The following GPC6 variants were observed in gnomAD, a reference collection of about 807,000 sequenced individuals.
GPC6 encodes glypican 6, also known as glypican-6.
Under a neutral mutation model 55.2 loss-of-function variants are expected in GPC6, and 14 were observed. That is an observed-to-expected ratio of 0.25 (90% CI 0.17 to 0.40). GPC6 has a LOEUF of 0.40. Among genes scored for constraint, GPC6 ranks in the 10% least tolerant of loss-of-function variants. The pLI is 1.00. For missense variants in GPC6, 641 were observed against 708.5 expected, an observed-to-expected ratio of 0.90 and a Z score of 1.08; for synonymous variants, 278 against 259.6, an observed-to-expected ratio of 1.07 and a Z score of -0.68.
intron 4 of GPC6, among the ~76,000 whole-genome samples, chr13:94,185,258 GAAAAAAA>G (rs759584811): frequency 1.8e-5 from 1 of 56,500 alleles, no homozygotes; most frequent in Non-Finnish European, 3.7e-5. Context: ...AATAAAAGTT[GAAAAAAA>G]AAAAAAAAAA....
intron 3 of GPC6, among the ~76,000 whole-genome samples, chr13:93,925,667 T>G (rs1464940689): frequency 1.3e-5 from 2 of 152,178 alleles, no homozygotes; most frequent in Non-Finnish European, 2.9e-5. Flanking sequence ...ACAACCATAT[T>G]ATTACGCTCG....
At chr13:93,789,602 T>TATATATATATATATATAATACTAC (rs1885944915) in intron 2 of GPC6, among the ~76,000 whole-genome samples, 19 of 15,374 alleles carry the variant, frequency 1.2e-3, no homozygotes, top group South Asian at 2.9e-3. Context: ...ATACTACATA[T>TATATATATATATATATAATACTAC]ATATATATAT....
chr13:93,376,595 C>T (rs1231791113), intron 1 of GPC6, among the ~76,000 whole-genome samples: 1 of 152,118 alleles, frequency 6.6e-6, no homozygotes, highest in East Asian at 1.9e-4. Context: ...ACAGACAAGG[C>T]TTGAAAGAAC....
At chr13:94,266,213 G>C (rs541506293) in intron 4 of GPC6, among the ~76,000 whole-genome samples, 1 of 150,580 alleles carries the variant, frequency 6.6e-6, no homozygotes, top group East Asian at 2.0e-4. Context: ...CTGTTGCCCA[G>C]GCTGGAGTGC....
At chr13:93,409,187 A>T (rs889973600) in intron 1 of GPC6, among the ~76,000 whole-genome samples, 4 of 151,480 alleles carry the variant, frequency 2.6e-5, no homozygotes, top group Non-Finnish European at 5.9e-5. Flanking sequence ...AGTGTAATCT[A>T]GTTGCCATTT....
chr13:94,091,541 A>G (rs1885479460), intron 4 of GPC6, among the ~76,000 whole-genome samples: 1 of 152,178 alleles, frequency 6.6e-6, no homozygotes, highest in South Asian at 2.1e-4. Flanking sequence ...ATATCTGTGG[A>G]GTTCTGCAAG....
intron 3 of GPC6, among the ~76,000 whole-genome samples, chr13:93,885,859 A>C (rs1319841823): frequency 3.9e-5 from 6 of 152,256 alleles, no homozygotes; most frequent in East Asian, 1.9e-4. Flanking sequence ...CCAAACCAAA[A>C]CAAAACAAAA....
chr13:94,196,186 T>G (rs1179738306), intron 4 of GPC6, among the ~76,000 whole-genome samples: 2 of 128,986 alleles, frequency 1.6e-5, no homozygotes, highest in South Asian at 2.3e-4. Flanking sequence ...ACCTTTTCAG[T>G]TTTTTTTTTT....
At position 94,053,025 on chromosome 13, in the gene GPC6, C is replaced by T. The variant is rs151093614; in HGVS notation, c.877+25131C>T. ...CCTCCCGTTTTCTCAAGCTCAGCTTCTACCAAATATGCATGTCAGAAAGGG... is the reference window on the plus strand; with the variant it reads ...CCTCCCGTTTTCTCAAGCTCAGCTTTTACCAAATATGCATGTCAGAAAGGG... On this transcript the variant is annotated intron_variant, in intron 4 of 8. Transcript: ENST00000377047. Among the ~76,000 whole-genome samples, 889 of 152,258 alleles carry T rather than the reference C, an allele frequency of 5.8e-3. 29 individuals are homozygous for T. Among genetic ancestry groups the T allele is most frequent in the Admixed American group, 0.048 (735 of 15,274 alleles).
chr13:93,726,100 TCATA>T (rs1266046774), intron 2 of GPC6, among the ~76,000 whole-genome samples: 39 of 93,724 alleles, frequency 4.2e-4, no homozygotes, highest in African/African-American at 1.4e-3. Context: ...ACTTTTTCCT[TCATA>T]CACACACACA....
Position 94,054,909 on chromosome 13 carries a change from C to T in GPC6, c.877+27015C>T, listed in dbSNP as rs202133952. On this transcript the variant is annotated intron_variant, in intron 4 of 8. Coordinates refer to ENST00000377047, the MANE Select transcript of GPC6 (RefSeq NM_005708.5). ...TGTGGACTGATCTGAGTCTCAAACC[C>T]GAATTAATCTTATTCTCTGCACACC... Among the ~76,000 whole-genome samples, 20 of 152,148 alleles carry T rather than the reference C, an allele frequency of 1.3e-4. No individual in the cohort carries two copies. In the East Asian group the frequency reaches 3.5e-3, roughly 26 times the overall value.
At chr13:93,548,961 C>T (rs181501003) in intron 2 of GPC6, among the ~76,000 whole-genome samples, 39 of 152,182 alleles carry the variant, frequency 2.6e-4, no homozygotes, top group Admixed American at 1.8e-3. Flanking sequence ...TGTTGTTTTG[C>T]TTTTTTTCTT....
At chr13:94,306,445 A>G (rs1474993481) in intron 6 of GPC6, among the ~76,000 whole-genome samples, 10 of 152,206 alleles carry the variant, frequency 6.6e-5, no homozygotes, top group Admixed American at 3.3e-4. Context: ...GCAATAGCAC[A>G]TTTCTTACTC....
chr13:93,258,791 TA>T (rs1025787839), intron 1 of GPC6, among the ~76,000 whole-genome samples: 4 of 150,750 alleles, frequency 2.7e-5, no homozygotes, highest in Admixed American at 2.6e-4. Context: ...AAATAAAAAA[TA>T]AAAAAAAATT....
At chr13:93,565,955 AAAC>A (rs1876088141) in intron 2 of GPC6, among the ~76,000 whole-genome samples, 1 of 152,014 alleles carries the variant, frequency 6.6e-6, no homozygotes, top group Non-Finnish European at 1.5e-5. Context: ...AAGAAAAAAA[AAAC>A]ACATCTGGTC....
intron 3 of GPC6, among the ~76,000 whole-genome samples, chr13:93,896,567 G>A (rs1262486085): frequency 6.6e-6 from 1 of 152,052 alleles, no homozygotes; most frequent in Admixed American, 6.6e-5. Flanking sequence ...AGCAGAAAAT[G>A]TAGTTTAATA....
At chr13:94,200,155 T>TAAAA (rs10708157) in intron 4 of GPC6, among the ~76,000 whole-genome samples, 1 of 137,166 alleles carries the variant, frequency 7.3e-6, no homozygotes. Context: ...AAACTCTGTC[T>TAAAA]AAAAAAAAAA....
rs78784060 is a variant in GPC6 at position 93,583,106 on chromosome 13, A to G, written c.319+37685A>G. 2.3e-3 allele frequency among the ~76,000 whole-genome samples: 353 copies of G among 152,344 alleles called. 2 individuals are homozygous for G. The highest frequency in any genetic ancestry group is 8.3e-3 in the African/African-American group (347 of 41,580). On this transcript the variant is annotated intron_variant, in intron 2 of 8. Transcript: ENST00000377047. ...TAGCTAAATGAGATGGCTGAATCTT[A>G]AGAAACTGATAGGAGTGTCCCACTG... is the stretch of plus-strand genomic sequence containing the variant.
In GPC6 at chr13:93,368,173, G is replaced by A. The variant is rs1279791610; in HGVS notation, c.160+140557G>A. Among the ~76,000 whole-genome samples the A allele has an allele frequency of 2.0e-5, 3 of 151,936 alleles. No homozygotes were observed. In the East Asian group the frequency reaches 5.8e-4, roughly 29 times the overall value. ...GCTAGTTCTTTTATCATTATGCAATGTTCTTCTCTATGTTCAATAATTGTC... is the reference window on the plus strand; with the variant it reads ...GCTAGTTCTTTTATCATTATGCAATATTCTTCTCTATGTTCAATAATTGTC... On this transcript the variant is annotated intron_variant, in intron 1 of 8. Coordinates refer to ENST00000377047, the MANE Select transcript of GPC6 (RefSeq NM_005708.5).
Sources: allele counts gnomAD v4.1 joint callset (sites outside exome capture counted in the v4.1 genomes callset), GRCh38; gene constraint gnomAD v4.1.1; transcripts MANE v1.5; gene names NCBI Gene and HGNC (gene_info 2026-07-23, HGNC 2026-07-21).